Variants in TMEM178A observed in about 807,000 individuals in gnomAD.
TMEM178A encodes the protein transmembrane protein 178.
TMEM178A carries 12 observed loss-of-function variants against 29.1 expected under a neutral mutation model. That is an observed-to-expected ratio of 0.41 (90% CI 0.26 to 0.67). The LOEUF (loss-of-function observed/expected upper bound fraction) is 0.67, where lower values mean the gene tolerates loss of function less well. Ranked by LOEUF, TMEM178A falls within the 30% of genes least tolerant of loss-of-function variation. TMEM178A has a pLI of 0.29. For missense variants in TMEM178A, 366 were observed against 419.1 expected, an observed-to-expected ratio of 0.87 and a Z score of 1.11; for synonymous variants, 210 against 187.2, an observed-to-expected ratio of 1.12 and a Z score of -0.99.
At chr2:39,706,938 C>G in intron 2 of TMEM178A, 111 bp from the exon 3 acceptor site, 1 of 1,298,876 alleles carries the variant, frequency 7.7e-7, no homozygotes, top group Non-Finnish European at 1.1e-6. Flanking sequence ...GGCTCTAAGC[C>G]TGTCCATGTA....
At chr2:39,703,166 G>A (rs533009228) in intron 1 of TMEM178A, among the ~76,000 whole-genome samples, 9 of 152,126 alleles carry the variant, frequency 5.9e-5, no homozygotes, top group Admixed American at 3.9e-4. Context: ...ACTAACATTC[G>A]CTCATGCCTT....
the TMEM178A span, among the ~76,000 whole-genome samples, chr2:39,727,164 G>A: frequency 6.6e-6 from 1 of 152,104 alleles, no homozygotes; most frequent in African/African-American, 2.4e-5. Context: ...TCAGAAGCCC[G>A]GACTTCTGGC....
chr2:39,732,902 C>G, the TMEM178A span, among the ~76,000 whole-genome samples: 1 of 152,218 alleles, frequency 6.6e-6, no homozygotes, highest in South Asian at 2.1e-4. Context: ...GTTCCATCAA[C>G]ATCCGTGCCT....
chr2:39,684,179 G>A (rs190701211), intron 1 of TMEM178A, among the ~76,000 whole-genome samples: 1 of 152,172 alleles, frequency 6.6e-6, no homozygotes, highest in Admixed American at 6.5e-5. Flanking sequence ...TTTATCTTGT[G>A]GTTTAAGATT....
At chr2:39,690,745 G>C (rs1364467787) in intron 1 of TMEM178A, among the ~76,000 whole-genome samples, 1 of 152,214 alleles carries the variant, frequency 6.6e-6, no homozygotes, top group East Asian at 1.9e-4. Context: ...TGGCCCCAAA[G>C]AGGTGAATAT....
At chr2:39,679,493 A>C (rs1670780481) in intron 1 of TMEM178A, among the ~76,000 whole-genome samples, 1 of 151,984 alleles carries the variant, frequency 6.6e-6, no homozygotes, top group Non-Finnish European at 1.5e-5. Context: ...TATAACTAAC[A>C]AAGAGTGCAT....
chr2:39,714,790 G>C (rs1672463855), intron 3 of TMEM178A, among the ~76,000 whole-genome samples: 1 of 152,142 alleles, frequency 6.6e-6, no homozygotes, highest in Non-Finnish European at 1.5e-5. Flanking sequence ...CAGGGGAGAG[G>C]AGCTAATGAA....
chr2:39,707,920 G>C (rs574921082), intron 3 of TMEM178A, among the ~76,000 whole-genome samples: 98 of 152,306 alleles, frequency 6.4e-4, no homozygotes, highest in African/African-American at 2.3e-3. Context: ...TTTAGTGATG[G>C]TGTCATTTTT....
intron 3 of TMEM178A, among the ~76,000 whole-genome samples, chr2:39,709,431 A>C (rs2148111908): frequency 6.6e-6 from 1 of 152,360 alleles, no homozygotes; most frequent in South Asian, 2.1e-4. Flanking sequence ...CACAGTGGCC[A>C]CCAGGACTGT....
chr2:39,727,939 C>A, the TMEM178A span, among the ~76,000 whole-genome samples: 1 of 152,174 alleles, frequency 6.6e-6, no homozygotes, highest in African/African-American at 2.4e-5. Flanking sequence ...ATATGTGCCA[C>A]ATTTTCTTAA....
At chr2:39,710,670 G>A (rs972544562) in intron 3 of TMEM178A, among the ~76,000 whole-genome samples, 2 of 152,074 alleles carry the variant, frequency 1.3e-5, no homozygotes, top group African/African-American at 2.4e-5. Flanking sequence ...GCTGTAGAAC[G>A]TTCACATGCA....
intron 3 of TMEM178A, among the ~76,000 whole-genome samples, chr2:39,708,980 C>A (rs1055723098): frequency 1.3e-5 from 2 of 152,110 alleles, no homozygotes; most frequent in Non-Finnish European, 2.9e-5. Flanking sequence ...ACTAATATTC[C>A]CCGAGATAGA....
intron 1 of TMEM178A, among the ~76,000 whole-genome samples, chr2:39,680,557 T>C (rs1670825612): frequency 6.6e-6 from 1 of 152,186 alleles, no homozygotes; most frequent in Non-Finnish European, 1.5e-5. Context: ...ATAATTTTTT[T>C]CTTAGATGAT....
intron 3 of TMEM178A, among the ~76,000 whole-genome samples, chr2:39,711,329 G>A (rs1294333078): frequency 6.6e-6 from 1 of 152,158 alleles, no homozygotes; most frequent in Non-Finnish European, 1.5e-5. Flanking sequence ...TCTTTTAAAA[G>A]GTTATTCAGT....
In TMEM178A at chr2:39,707,064, C is replaced by G; in HGVS notation, c.530C>G (p.Thr177Ser). 1 of 1,610,578 alleles carries G rather than the reference C, an allele frequency of 6.2e-7. No homozygotes were observed. The highest frequency in any genetic ancestry group is 8.5e-7 in the Non-Finnish European group (1 of 1,178,822). ...TTGAGATTAGATTTAAGAAGAATCA[C>G]TGCTGGCTTCCTCGGCATGGCCGTA... is the stretch of plus-strand genomic sequence containing the variant. ...EWHLLHLRRI[T>S]AGFLGMAVAV... Residue 177 changes from threonine to serine, a missense_variant, in exon 3 of 4, where the codon ACT becomes AGT. Physicochemically the swap from Thr to Ser is moderately conservative, Grantham distance 58. This residue lies in a region of TMEM178A where 119 missense variants were observed against 172.2 expected (regional missense o/e 0.69). Coordinates refer to ENST00000281961, the MANE Select transcript of TMEM178A (RefSeq NM_152390.3).
intron 1 of TMEM178A, among the ~76,000 whole-genome samples, chr2:39,683,191 G>T (rs1670941564): frequency 6.6e-6 from 1 of 152,108 alleles, no homozygotes; most frequent in Admixed American, 6.5e-5. Flanking sequence ...CATAAATCTG[G>T]ACACTGACTA....
the TMEM178A span, among the ~76,000 whole-genome samples, chr2:39,729,419 AGCTGGT>A: frequency 6.6e-6 from 1 of 152,164 alleles, no homozygotes; most frequent in Non-Finnish European, 1.5e-5. Flanking sequence ...AGGTCGGAAA[AGCTGGT>A]GTTCTGGTTT....
chr2:39,708,424 T>TC lies in TMEM178A; in HGVS notation c.652+1238_652+1239insC, dbSNP rs1337250289. Among the ~76,000 whole-genome samples, 27 of 138,998 alleles carry TC rather than the reference T, an allele frequency of 1.9e-4. 1 individual carries two copies. The highest frequency in any genetic ancestry group is 3.4e-4 in the Non-Finnish European group (22 of 64,130). The allele number at this position is 138,998 out of a possible 152,430, so 91.2% of individuals were successfully genotyped here. A position where few individuals can be genotyped will look rare whatever the true frequency, so the allele number is the denominator to read the frequency against. On this transcript the variant is annotated intron_variant, in intron 3 of 3. Coordinates refer to ENST00000281961, the MANE Select transcript of TMEM178A (RefSeq NM_152390.3). The stretch of plus-strand genomic sequence containing the variant: ...GAGTGACTTGATTTTTTTTTTTTTT[T>TC]TTTTTTTTTTTTGAGACGGAGTTTC...
chr2:39,734,220 T>C, the TMEM178A span, among the ~76,000 whole-genome samples: 1 of 152,232 alleles, frequency 6.6e-6, no homozygotes, highest in South Asian at 2.1e-4. Flanking sequence ...AGGTCATGAA[T>C]GACTCCCTCA....
Sources: allele counts gnomAD v4.1 joint callset (sites outside exome capture counted in the v4.1 genomes callset), GRCh38; gene constraint gnomAD v4.1.1; regional missense constraint gnomAD v4.1.1; transcripts MANE v1.5; gene names NCBI Gene and HGNC (gene_info 2026-07-23, HGNC 2026-07-21).